The following NKAIN2 variants were observed in gnomAD, a reference collection of about 807,000 sequenced individuals.
The protein encoded by NKAIN2 is sodium/potassium transporting ATPase interacting 2, also known as sodium/potassium-transporting ATPase subunit beta-1-interacting protein 2.
In NKAIN2, 14 loss-of-function variants were observed where a neutral mutation model predicts 32.6. The ratio of observed to expected loss-of-function variants is 0.43; its 90% CI spans 0.28 to 0.67. NKAIN2 has a LOEUF of 0.67. Ranked by LOEUF, NKAIN2 falls within the 30% of genes least tolerant of loss-of-function variation. The pLI, the probability that NKAIN2 is intolerant of heterozygous loss-of-function variation, is 0.17. For missense variants in NKAIN2, 198 were observed against 258.3 expected (o/e 0.77, Z 1.60); for synonymous variants, 80 against 87.2 (o/e 0.92, Z 0.46).
At chr6:124,183,481 C>T (rs1414668843) in intron 1 of NKAIN2, among the ~76,000 whole-genome samples, 2 of 151,934 alleles carry the variant, frequency 1.3e-5, no homozygotes, top group African/African-American at 4.8e-5. Context: ...AAACTTAATC[C>T]TTGAGTATAT....
chr6:124,045,492 C>T (rs1782077215), intron 1 of NKAIN2, among the ~76,000 whole-genome samples: 1 of 151,994 alleles, frequency 6.6e-6, no homozygotes, highest in South Asian at 2.1e-4. Context: ...GAAATATTCA[C>T]AAATGTGGTT....
At chr6:124,713,274 G>C (rs1032481008) in intron 4 of NKAIN2, among the ~76,000 whole-genome samples, 1 of 152,006 alleles carries the variant, frequency 6.6e-6, no homozygotes, top group Non-Finnish European at 1.5e-5. Context: ...GCAAATATTC[G>C]AATCCATAAA....
At chr6:124,428,445 T>C (rs1013212585) in intron 3 of NKAIN2, among the ~76,000 whole-genome samples, 6 of 152,184 alleles carry the variant, frequency 3.9e-5, no homozygotes, top group Non-Finnish European at 8.8e-5. Flanking sequence ...TTAGTGGAAC[T>C]GAAAGCAGCT....
At chr6:124,463,833 TGTA>T (rs1381948262) in intron 3 of NKAIN2, among the ~76,000 whole-genome samples, 3 of 152,144 alleles carry the variant, frequency 2.0e-5, no homozygotes, top group Non-Finnish European at 4.4e-5. Flanking sequence ...GTTTAAACAT[TGTA>T]GTCATTTTTT....
At chr6:124,264,733 A>C (rs879167552) in intron 1 of NKAIN2, among the ~76,000 whole-genome samples, 1 of 152,304 alleles carries the variant, frequency 6.6e-6, no homozygotes, top group East Asian at 1.9e-4. Flanking sequence ...TTTGTGATAA[A>C]TTCTTGAGTA....
chr6:123,943,179 A>G (rs1476894531), intron 1 of NKAIN2, among the ~76,000 whole-genome samples: 1 of 152,066 alleles, frequency 6.6e-6, no homozygotes, highest in Non-Finnish European at 1.5e-5. Flanking sequence ...CTGGGCTTAT[A>G]AAAGAACCTA....
At chr6:124,286,930 C>T (rs943943680) in intron 2 of NKAIN2, among the ~76,000 whole-genome samples, 3 of 152,078 alleles carry the variant, frequency 2.0e-5, no homozygotes, top group African/African-American at 7.2e-5. Flanking sequence ...GATCCGCCCA[C>T]CTTGGCCTCC....
At chr6:124,298,015 G>A (rs762990766) in intron 2 of NKAIN2, among the ~76,000 whole-genome samples, 1 of 152,022 alleles carries the variant, frequency 6.6e-6, no homozygotes, top group South Asian at 2.1e-4. Flanking sequence ...ATAAAATATT[G>A]AGCATGTGTC....
intron 1 of NKAIN2, among the ~76,000 whole-genome samples, chr6:123,938,361 G>T (rs1776618976): frequency 7.6e-6 from 1 of 131,858 alleles, no homozygotes; most frequent in Non-Finnish European, 1.6e-5. Flanking sequence ...AGAACAATTT[G>T]CAATTGCCGT....
intron 1 of NKAIN2, among the ~76,000 whole-genome samples, chr6:124,038,223 C>T (rs1781694098): frequency 6.6e-6 from 1 of 151,906 alleles, no homozygotes; most frequent in South Asian, 2.1e-4. Flanking sequence ...ATATGGTCTG[C>T]AATTCAACTG....
intron 1 of NKAIN2, among the ~76,000 whole-genome samples, chr6:123,847,660 A>G (rs181672505): frequency 1.3e-5 from 2 of 152,308 alleles, no homozygotes; most frequent in African/African-American, 2.4e-5. Flanking sequence ...TAACTCATAA[A>G]CAGATGAGAA....
intron 4 of NKAIN2, among the ~76,000 whole-genome samples, chr6:124,664,791 C>G (rs1244449321): frequency 6.1e-5 from 2 of 32,942 alleles, no homozygotes. Context: ...GAGACTCCGT[C>G]TCAAAAAAAA....
chr6:124,591,538 C>T (rs1010157628), intron 3 of NKAIN2, among the ~76,000 whole-genome samples: 1 of 152,090 alleles, frequency 6.6e-6, no homozygotes, highest in African/African-American at 2.4e-5. Context: ...GCTTGCTTTC[C>T]ATTTCAATAC....
chr6:124,497,359 A>C (rs1164450132), intron 3 of NKAIN2, among the ~76,000 whole-genome samples: 1 of 152,136 alleles, frequency 6.6e-6, no homozygotes, highest in Middle Eastern at 3.2e-3. Context: ...TTTTTTCTTA[A>C]ACTGTGTTAT....
intron 3 of NKAIN2, among the ~76,000 whole-genome samples, chr6:124,413,244 A>G (rs1163083764): frequency 2.6e-5 from 4 of 152,184 alleles, no homozygotes; most frequent in Admixed American, 2.6e-4. Context: ...AAATGCAGAA[A>G]TCACCTGTCT....
intron 3 of NKAIN2, among the ~76,000 whole-genome samples, chr6:124,404,980 A>C (rs907082540): frequency 6.6e-6 from 1 of 152,122 alleles, no homozygotes; most frequent in South Asian, 2.1e-4. Context: ...CTCAGTACCT[A>C]GTGAAGTGTC....
intron 1 of NKAIN2, among the ~76,000 whole-genome samples, chr6:124,257,062 G>GT (rs1407683432): frequency 1.3e-5 from 2 of 150,966 alleles, no homozygotes; most frequent in African/African-American, 4.9e-5. Context: ...TTTTGTTTTT[G>GT]TTTTTATTTT....
intron 1 of NKAIN2, among the ~76,000 whole-genome samples, chr6:124,215,059 A>T (rs1791395990): frequency 6.6e-6 from 1 of 152,220 alleles, no homozygotes; most frequent in South Asian, 2.1e-4. Context: ...ACTGAGGAAA[A>T]AGATCTATGG....
At chr6:124,671,960 A>G (rs1773123165) in intron 4 of NKAIN2, among the ~76,000 whole-genome samples, 1 of 151,964 alleles carries the variant, frequency 6.6e-6, no homozygotes, top group African/African-American at 2.4e-5. Context: ...TAGATTGGCC[A>G]CCAAGAACCA....
Sources: gnomAD v4.1 joint callset for allele counts (sites outside exome capture counted in the v4.1 genomes callset) on GRCh38, gnomAD v4.1.1 for gene constraint, MANE v1.5 for transcripts, NCBI Gene and HGNC (gene_info 2026-07-23, HGNC 2026-07-21) for gene names.